MSRA: variants seen among roughly 807,000 people sequenced by gnomAD.
The protein encoded by MSRA is methionine sulfoxide reductase A.
In MSRA, 54 loss-of-function variants were observed where a neutral mutation model predicts 31.3. The ratio of observed to expected loss-of-function variants is 1.73; its 90% CI spans 1.39 to 2.17. MSRA has a LOEUF of 2.17. MSRA is among the 30% of genes most tolerant of loss of function. The pLI, the probability that MSRA is intolerant of heterozygous loss-of-function variation, is 0.00. For synonymous variants in MSRA, 169 were observed against 116.5 expected, an observed-to-expected ratio of 1.45 and a Z score of -2.90; for missense variants, 507 against 300.9, an observed-to-expected ratio of 1.69 and a Z score of -5.07.
chr8:10,361,226 T>A (rs1477733318), intron 5 of MSRA, among the ~76,000 whole-genome samples: 1 of 152,210 alleles, frequency 6.6e-6, no homozygotes, highest in African/African-American at 2.4e-5. Context: ...AACAGGCCTT[T>A]TGAAATGCAG....
chr8:10,135,212 T>C (rs976789857), intron 1 of MSRA, among the ~76,000 whole-genome samples: 1 of 152,244 alleles, frequency 6.6e-6, no homozygotes, highest in Non-Finnish European at 1.5e-5. Flanking sequence ...CTGCCGTGGT[T>C]CCCCACTTTT....
chr8:10,148,115 C>G (rs116798789), intron 1 of MSRA, among the ~76,000 whole-genome samples: 1 of 152,238 alleles, frequency 6.6e-6, no homozygotes, highest in African/African-American at 2.4e-5. Flanking sequence ...AAGGGCTCCT[C>G]TCGGCTCTGC....
intron 5 of MSRA, among the ~76,000 whole-genome samples, chr8:10,386,800 A>G (rs17151882): frequency 0.01 from 1,527 of 151,710 alleles, 25 homozygotes; most frequent in African/African-American, 0.035. Flanking sequence ...AGATTGCTGA[A>G]CTAGGGATTC....
At chr8:10,055,520 T>G (rs1329611330) in intron 1 of MSRA, among the ~76,000 whole-genome samples, 1 of 152,254 alleles carries the variant, frequency 6.6e-6, no homozygotes, top group Non-Finnish European at 1.5e-5. Context: ...CATCACCACC[T>G]GGGTGGGCGT....
chr8:10,059,383 T>C (rs1368521632), intron 1 of MSRA, among the ~76,000 whole-genome samples: 3 of 152,196 alleles, frequency 2.0e-5, no homozygotes, highest in African/African-American at 7.2e-5. Flanking sequence ...CTGAGGCCCA[T>C]AGATGTTAGG....
At chr8:10,090,441 C>G (rs769484278) in intron 1 of MSRA, among the ~76,000 whole-genome samples, 3 of 152,140 alleles carry the variant, frequency 2.0e-5, no homozygotes, top group Non-Finnish European at 4.4e-5. Context: ...AGTATTGCCT[C>G]TGTTTAAGAG....
chr8:10,171,409 G>C (rs1453882821), intron 1 of MSRA, among the ~76,000 whole-genome samples: 3 of 148,482 alleles, frequency 2.0e-5, no homozygotes, highest in Non-Finnish European at 4.4e-5. Flanking sequence ...GAAATGAACA[G>C]CTCTCTACAT....
chr8:10,354,401 G>A (rs185448950), intron 5 of MSRA, among the ~76,000 whole-genome samples: 6 of 152,306 alleles, frequency 3.9e-5, no homozygotes, highest in Non-Finnish European at 7.3e-5. Flanking sequence ...GAGAGAATCA[G>A]GTGAGTTTCT....
intron 5 of MSRA, among the ~76,000 whole-genome samples, chr8:10,385,975 C>T (rs1563420465): frequency 6.6e-6 from 1 of 152,074 alleles, no homozygotes. Context: ...CTGGAGATAG[C>T]GCCCCTTCCT....
chr8:10,213,919 G>C (rs1013143698), intron 2 of MSRA, among the ~76,000 whole-genome samples: 6 of 152,096 alleles, frequency 3.9e-5, no homozygotes, highest in African/African-American at 1.2e-4. Context: ...TTGGTGAAAG[G>C]TAAGATTCTG....
intron 5 of MSRA, among the ~76,000 whole-genome samples, chr8:10,329,393 C>T (rs919403028): frequency 6.6e-6 from 1 of 152,184 alleles, no homozygotes; most frequent in African/African-American, 2.4e-5. Context: ...GTCTCTGCCT[C>T]TGTGGCCACC....
At chr8:10,321,488 C>A (rs993203730) in intron 5 of MSRA, among the ~76,000 whole-genome samples, 1 of 152,086 alleles carries the variant, frequency 6.6e-6, no homozygotes. Flanking sequence ...CCACCTCCCT[C>A]CCAGGGTGAT....
chr8:10,233,495 T>C (rs1020594921), intron 2 of MSRA, among the ~76,000 whole-genome samples: 10 of 152,174 alleles, frequency 6.6e-5, no homozygotes, highest in African/African-American at 2.4e-5. Flanking sequence ...TGACAGAAAA[T>C]AGGCAAAATA....
At chr8:10,158,661 T>C (rs937944922) in intron 1 of MSRA, among the ~76,000 whole-genome samples, 2 of 152,004 alleles carry the variant, frequency 1.3e-5, no homozygotes, top group Non-Finnish European at 2.9e-5. Flanking sequence ...TTTCTACTTT[T>C]TGTCTATTGT....
chr8:10,149,902 T>G (rs1054244265), intron 1 of MSRA, among the ~76,000 whole-genome samples: 1 of 2,682 alleles, frequency 3.7e-4, no homozygotes, highest in African/African-American at 5.8e-4. Context: ...ACTAAGGTGG[T>G]TTTTTTTTTT....
chr8:10,260,416 G>A (rs1798415584), intron 3 of MSRA, among the ~76,000 whole-genome samples: 1 of 152,210 alleles, frequency 6.6e-6, no homozygotes, highest in African/African-American at 2.4e-5. Flanking sequence ...AGGAGACAGA[G>A]GAGGAGGAAG....
intron 5 of MSRA, among the ~76,000 whole-genome samples, chr8:10,322,649 A>G (rs1039715918): frequency 1.3e-5 from 2 of 152,198 alleles, no homozygotes; most frequent in African/African-American, 2.4e-5. Flanking sequence ...TAGGACTGCT[A>G]ACTGGGCTAA....
intron 3 of MSRA, among the ~76,000 whole-genome samples, chr8:10,259,209 A>T (rs180737040): frequency 2.7e-3 from 406 of 152,296 alleles, no homozygotes; most frequent in Non-Finnish European, 3.8e-3. Flanking sequence ...ACTTAGATCT[A>T]TGGCCACTCT....
chr8:10,191,584 CA>C, intron 1 of MSRA, among the ~76,000 whole-genome samples: 1 of 152,146 alleles, frequency 6.6e-6, no homozygotes, highest in Non-Finnish European at 1.5e-5. Context: ...TTTAGTGGTT[CA>C]GAAATGCCTG....
Sources: gnomAD v4.1 joint callset for allele counts (sites outside exome capture counted in the v4.1 genomes callset) on GRCh38, gnomAD v4.1.1 for gene constraint, MANE v1.5 for transcripts, NCBI Gene and HGNC (gene_info 2026-07-23, HGNC 2026-07-21) for gene names.